The following CAPN2 variants were observed in gnomAD, a reference collection of about 807,000 sequenced individuals.
The protein encoded by CAPN2 is calpain-2 catalytic subunit.
Under a neutral mutation model 102.3 loss-of-function variants are expected in CAPN2, and 92 were observed. The ratio of observed to expected loss-of-function variants is 0.90; its 90% CI spans 0.76 to 1.07. The LOEUF is 1.07. CAPN2 is among the 50% of genes least tolerant of loss of function. CAPN2 has a pLI of 0.00. For missense variants in CAPN2, 800 were observed against 909.4 expected, an observed-to-expected ratio of 0.88 and a Z score of 1.55; for synonymous variants, 340 against 355.4, an observed-to-expected ratio of 0.96 and a Z score of 0.49.
intron 15 of CAPN2, among the ~76,000 whole-genome samples, chr1:223,764,823 A>G (rs534115748): frequency 5.3e-5 from 8 of 152,306 alleles, no homozygotes; most frequent in African/African-American, 1.9e-4. Flanking sequence ...CCTGGCCTCA[A>G]GTGATCTGCC....
At chr1:223,770,100 G>A (rs1661433451) in intron 17 of CAPN2, 191 bp downstream of exon 17, 3 of 614,210 alleles carry the variant, frequency 4.9e-6, no homozygotes, top group South Asian at 1.9e-5. Flanking sequence ...GACTTCGCAG[G>A]TGAAATGGCC....
intron 2 of CAPN2, among the ~76,000 whole-genome samples, chr1:223,733,367 C>G (rs1175430070): frequency 2.6e-5 from 4 of 152,232 alleles, no homozygotes; most frequent in African/African-American, 7.2e-5. Context: ...ATCCCACCCC[C>G]CAGGATGGGC....
rs376705631 is a variant in CAPN2 at position 223,770,437 on chromosome 1, T to C, written c.1825-10T>C. ...GGTCATAGTTCTTACAGCTAACTTA[T>C]GTGTTCCAGAAAATTTACCGAGAAA... On this transcript the variant is annotated splice_polypyrimidine_tract_variant and intron_variant, in intron 17 of 20. Transcript: ENST00000295006. 1 of 1,608,044 alleles carries C rather than the reference T, an allele frequency of 6.2e-7. No homozygotes were observed. The highest frequency in any genetic ancestry group is 8.5e-7 in the Non-Finnish European group (1 of 1,174,578).
At chr1:223,753,791 A>C (rs1328021645) in intron 9 of CAPN2, among the ~76,000 whole-genome samples, 3 of 152,234 alleles carry the variant, frequency 2.0e-5, no homozygotes, top group Non-Finnish European at 4.4e-5. Flanking sequence ...TATGCTATAG[A>C]ATTACCTTCA....
intron 16 of CAPN2, among the ~76,000 whole-genome samples, chr1:223,767,154 G>C (rs1322880964): frequency 6.6e-6 from 1 of 151,196 alleles, no homozygotes; most frequent in African/African-American, 2.5e-5. Flanking sequence ...TGTTTTGTCT[G>C]ATCAAGATCG....
chr1:223,706,815 C>T (rs1297451290), intron 1 of CAPN2, among the ~76,000 whole-genome samples: 2 of 152,138 alleles, frequency 1.3e-5, no homozygotes, highest in African/African-American at 4.8e-5. Context: ...CACGGTGGCT[C>T]ACATCTGTAA....
At chr1:223,749,254 A>C (rs1660827609) in intron 6 of CAPN2, 132 bp downstream of exon 6, 1 of 744,956 alleles carries the variant, frequency 1.3e-6, no homozygotes, top group African/African-American at 1.8e-5. Context: ...CGCACTCCTG[A>C]AGTTCCGCGC....
chr1:223,771,649 C>T (rs559374434), intron 18 of CAPN2, 160 bp from the exon 19 acceptor site: 2 of 649,786 alleles, frequency 3.1e-6, no homozygotes, highest in Non-Finnish European at 5.6e-6. Context: ...GCAGAAGGTA[C>T]TGGCTTTGCA....
rs1660688906 is a variant in CAPN2, at chr1:223,744,093, T to C, written c.308-7T>C. On this transcript the variant is annotated splice_region_variant and splice_polypyrimidine_tract_variant and intron_variant, in intron 2 of 20. Transcript: ENST00000295006. Reference sequence around the variant, plus strand: ...TCTGATAAGAGCTCCTTGTGCTGTGTTCACAGGTGACTGCTGGCTGCTGGC... The same window carrying C: ...TCTGATAAGAGCTCCTTGTGCTGTGCTCACAGGTGACTGCTGGCTGCTGGC... 6.3e-7 allele frequency: 1 copy of C among 1,595,958 alleles called. No individual in the cohort carries two copies. Among genetic ancestry groups the C allele is most frequent in the Admixed American group, 1.7e-5 (1 of 60,006 alleles).
rs1660348104 is a variant in CAPN2, at chr1:223,731,945, G to T, written c.308-12155G>T. On this transcript the variant is annotated intron_variant, in intron 2 of 20. Coordinates refer to ENST00000295006, the MANE Select transcript of CAPN2 (RefSeq NM_001748.5). This position sits in a 1 kb window ranked among gnomAD's most constrained non-coding sequence, Gnocchi z 4.2. ...TTCCCTACTTGGTATCAGTTGCAAA[G>T]AAAGAACACTCAGTTGGAAAAAAAG... Among the ~76,000 whole-genome samples, 2 of 152,306 alleles carry T rather than the reference G, an allele frequency of 1.3e-5. No individual in the cohort carries two copies. Among genetic ancestry groups the T allele is most frequent in the South Asian group, 4.1e-4 (2 of 4,828 alleles).
intron 2 of CAPN2, among the ~76,000 whole-genome samples, chr1:223,737,757 ACAGT>A (rs1234519276): frequency 6.6e-6 from 1 of 151,214 alleles, no homozygotes; most frequent in Non-Finnish European, 1.5e-5. Flanking sequence ...GTAAAGAAAA[ACAGT>A]CAGTTCTAAA....
At chr1:223,752,148 G>A in intron 8 of CAPN2, 77 bp downstream of exon 8, 3 of 1,033,328 alleles carry the variant, frequency 2.9e-6, no homozygotes, top group Non-Finnish European at 4.5e-6. Flanking sequence ...ATTAGAAAGA[G>A]TGTCGGCCAA....
chr1:223,720,315 C>CTTTTTTTTT lies in CAPN2; in HGVS notation c.307+2495_307+2503dup, dbSNP rs35138708. Among the ~76,000 whole-genome samples, 180 of 107,464 alleles carry CTTTTTTTTT rather than the reference C, an allele frequency of 1.7e-3. 5 individuals carry two copies. The highest frequency in any genetic ancestry group is 3.5e-3 in the African/African-American group (92 of 26,522). 70.5% of individuals were successfully genotyped at this position (107,464 alleles called of 152,430 possible). A position where few individuals can be genotyped will look rare whatever the true frequency, so the allele number is the denominator to read the frequency against. On this transcript the variant is annotated intron_variant, in intron 2 of 20. Transcript: ENST00000295006. Reference sequence around the variant, plus strand: ...TCATCCTTATTTTCTCTCTTTCTCTCTTTTTTTTTTTTTTTTTTTGACAGG... The same window carrying CTTTTTTTTT: ...TCATCCTTATTTTCTCTCTTTCTCTCTTTTTTTTTTTTTTTTTTTTTTTTTTTTGACAGG...
At chr1:223,721,400 T>G (rs998240851) in intron 2 of CAPN2, among the ~76,000 whole-genome samples, 1 of 152,230 alleles carries the variant, frequency 6.6e-6, no homozygotes, top group African/African-American at 2.4e-5. Flanking sequence ...TACTTTGCAC[T>G]GGGTCACCAC....
At chr1:223,744,722 G>A (rs770857598) in intron 3 of CAPN2, among the ~76,000 whole-genome samples, 1 of 152,184 alleles carries the variant, frequency 6.6e-6, no homozygotes. Context: ...TCAGTTGGGC[G>A]TAGTAGTGCA....
chr1:223,772,920 C>CCAGT (rs1202458240), intron 20 of CAPN2: 1 of 152,220 alleles, frequency 6.6e-6, no homozygotes, highest in Non-Finnish European at 1.5e-5. Context: ...TCACCTGGCT[C>CCAGT]CAGTCAGCAT....
Position 223,749,038 on chromosome 1 carries a change from G to C in CAPN2, c.730-1G>C. 1 of 1,613,840 alleles carries C rather than the reference G, an allele frequency of 6.2e-7. No individual in the cohort carries two copies. Among genetic ancestry groups the C allele is most frequent in the South Asian group, 1.1e-5 (1 of 91,082 alleles). On this transcript the variant is annotated splice_acceptor_variant, in intron 5 of 20. Coordinates refer to ENST00000295006, the MANE Select transcript of CAPN2 (RefSeq NM_001748.5). LOFTEE classifies it high-confidence loss of function. The stretch of plus-strand genomic sequence containing the variant: ...CAGTCTGACGGTTGCTGTGTTTGCA[G>C]ATCACCAGCGCCGCGGACTCGGAGG...
rs780271153 is a variant in CAPN2 at position 223,729,556 on chromosome 1, A to G, written c.307+11725A>G. On this transcript the variant is annotated intron_variant, in intron 2 of 20. Transcript: ENST00000295006. ...GCTTGGTTTTATACATTTTAGGAGGACATAAGTTACAGGCAGACATCAATC... is the reference window on the plus strand; with the variant it reads ...GCTTGGTTTTATACATTTTAGGAGGGCATAAGTTACAGGCAGACATCAATC... Among the ~76,000 whole-genome samples the G allele has an allele frequency of 2.0e-5, 3 of 152,320 alleles. No homozygotes were observed. In the East Asian group the frequency reaches 5.8e-4, roughly 29 times the overall value.
At chr1:223,711,419 C>T (rs1397590204), upstream of CAPN2, among the ~76,000 whole-genome samples, 2 of 152,138 alleles carry the variant, frequency 1.3e-5, no homozygotes, top group Non-Finnish European at 2.9e-5. Context: ...ATGCTCTCTC[C>T]CTATAGTAAC....
Sources: allele counts gnomAD v4.1 joint callset (sites outside exome capture counted in the v4.1 genomes callset), GRCh38; gene constraint gnomAD v4.1.1; non-coding constraint Gnocchi (gnomAD v3.1); transcripts MANE v1.5; gene names NCBI Gene and HGNC (gene_info 2026-07-23, HGNC 2026-07-21).